The following NAV2 variants were observed in gnomAD, a reference collection of about 807,000 sequenced individuals.
NAV2 encodes neuron navigator 2, also known as helicase, APC down-regulated 1.
A neutral mutation model predicts 223.2 loss-of-function variants in NAV2; 54 were observed. The observed-to-expected ratio is 0.24, with a 90% CI of 0.19 to 0.30. NAV2 has a LOEUF of 0.30. NAV2 is among the 10% of genes least tolerant of loss of function. The pLI is 1.00. For synonymous variants in NAV2, 1,279 were observed against 1,239.3 expected (o/e 1.03, Z -0.67); for missense variants, 2,806 against 3,147.5 (o/e 0.89, Z 2.60).
chr11:19,486,508 TAGTA>T (rs1159170456), intron 1 of NAV2, among the ~76,000 whole-genome samples: 1 of 152,112 alleles, frequency 6.6e-6, no homozygotes, highest in Non-Finnish European at 1.5e-5. Flanking sequence ...GTTCTCGTGA[TAGTA>T]AGTAAGTTCT....
chr11:19,947,144 G>C (rs1591372932), intron 9 of NAV2, among the ~76,000 whole-genome samples: 1 of 152,170 alleles, frequency 6.6e-6, no homozygotes, highest in Non-Finnish European at 1.5e-5. Flanking sequence ...TGAGCTCCCA[G>C]GGAGTCTCCT....
rs561937906 is a variant in NAV2, at chr11:19,636,721, C to T, written c.76-195763C>T. Among the ~76,000 whole-genome samples, 100 of 152,298 alleles carry T rather than the reference C, an allele frequency of 6.6e-4. 1 individual carries two copies. Among genetic ancestry groups the T allele is most frequent in the African/African-American group, 2.3e-3 (96 of 41,562 alleles). The stretch of plus-strand genomic sequence containing the variant: ...TCCTGACCTTGTGATCCACCCGCCT[C>T]GGCCTCCCACAGTGCTGGGATTATA... On this transcript the variant is annotated intron_variant, in intron 1 of 37. Transcript: ENST00000360655.
At chr11:19,867,799 G>A (rs374614240) in intron 3 of NAV2, among the ~76,000 whole-genome samples, 1 of 152,208 alleles carries the variant, frequency 6.6e-6, no homozygotes, top group East Asian at 1.9e-4. Context: ...TGTGAAGACT[G>A]GGAGTAGATA....
At chr11:19,962,065 A>G (rs745529758) in intron 10 of NAV2, among the ~76,000 whole-genome samples, 3 of 151,564 alleles carry the variant, frequency 2.0e-5, no homozygotes, top group Non-Finnish European at 4.4e-5. Context: ...AGGGGATTCT[A>G]CCTTTAGACT....
chr11:19,655,335 G>T (rs547348531), intron 1 of NAV2, among the ~76,000 whole-genome samples: 1 of 152,166 alleles, frequency 6.6e-6, no homozygotes, highest in Non-Finnish European at 1.5e-5. Context: ...TCAGTGTGGC[G>T]ATTCCTCAAG....
At chr11:19,545,184 G>A (rs529265252) in intron 1 of NAV2, among the ~76,000 whole-genome samples, 10 of 152,310 alleles carry the variant, frequency 6.6e-5, no homozygotes, top group Middle Eastern at 3.4e-3. Flanking sequence ...ATTATTGGGC[G>A]CTCACAGGAG....
intron 1 of NAV2, among the ~76,000 whole-genome samples, chr11:19,632,273 A>G (rs535064716): frequency 1.7e-4 from 26 of 152,308 alleles, no homozygotes; most frequent in Admixed American, 2.6e-4. Context: ...TTTTCTAGCA[A>G]TTTAATTTAC....
chr11:19,538,442 G>A (rs2044248167), intron 1 of NAV2, among the ~76,000 whole-genome samples: 2 of 152,128 alleles, frequency 1.3e-5, no homozygotes, highest in Admixed American at 6.5e-5. Context: ...GTAGGTTCAC[G>A]CAATCCTTCT....
chr11:19,577,208 G>A lies in NAV2; in HGVS notation c.75+226181G>A, dbSNP rs377343007. Among the ~76,000 whole-genome samples, 3 of 152,366 alleles carry A rather than the reference G, an allele frequency of 2.0e-5. 1 individual carries two copies. The South Asian group carries it at 6.2e-4, about 32-fold the overall frequency. ...CATGAGGAAACTGAGGCTCAGAGAA[G>A]TTAAGCAGCTTGTCCAACGTCCGTG... On this transcript the variant is annotated intron_variant, in intron 1 of 37. Transcript: ENST00000360655.
chr11:19,473,654 T>C (rs1590276422), intron 1 of NAV2, among the ~76,000 whole-genome samples: 1 of 151,846 alleles, frequency 6.6e-6, no homozygotes, highest in African/African-American at 2.4e-5. Flanking sequence ...GGAAATGGAG[T>C]TGCTCTTCTG....
chr11:19,977,070 G>A (rs1565682210), intron 10 of NAV2, among the ~76,000 whole-genome samples: 1 of 152,264 alleles, frequency 6.6e-6, no homozygotes, highest in East Asian at 1.9e-4. Context: ...TTTGCATCAA[G>A]CAGAAAGGTA....
intron 11 of NAV2, among the ~76,000 whole-genome samples, chr11:20,023,699 G>GGTGGGTGGGTGTGTGTGTGTGTGTGT (rs1554902315): frequency 6.9e-6 from 1 of 144,572 alleles, no homozygotes; most frequent in Non-Finnish European, 1.5e-5. Flanking sequence ...CAAATTGCTG[G>GGTGGGTGGGTGTGTGTGTGTGTGTGT]GTGTGTGTGT....
chr11:19,844,250 G>T (rs1051668401), intron 3 of NAV2, among the ~76,000 whole-genome samples: 4 of 152,238 alleles, frequency 2.6e-5, no homozygotes, highest in Non-Finnish European at 2.9e-5. Context: ...TGCTGCACAT[G>T]TAGTCCTATC....
At chr11:19,932,257 A>AAAAAAAAG (rs1555153008) in intron 6 of NAV2, among the ~76,000 whole-genome samples, 1,171 of 99,480 alleles carry the variant, frequency 0.012, 1 homozygote, top group East Asian at 0.03. Context: ...AAAAAAAAAA[A>AAAAAAAAG]AAAGAAAGAA....
chr11:19,997,207 T>C (rs917712925), intron 11 of NAV2, among the ~76,000 whole-genome samples: 3 of 152,128 alleles, frequency 2.0e-5, no homozygotes, highest in African/African-American at 7.2e-5. Context: ...GGTGCAAAGT[T>C]TGACACTAGA....
intron 1 of NAV2, among the ~76,000 whole-genome samples, chr11:19,602,068 T>A (rs1318539054): frequency 2.6e-5 from 4 of 151,656 alleles, no homozygotes; most frequent in African/African-American, 9.7e-5. Context: ...TAAGTGTTCA[T>A]CCCCAGTCCA....
At chr11:19,882,026 C>T (rs1241108804) in intron 5 of NAV2, among the ~76,000 whole-genome samples, 1 of 152,176 alleles carries the variant, frequency 6.6e-6, no homozygotes, top group Non-Finnish European at 1.5e-5. Flanking sequence ...CAGGCCCCGT[C>T]ATAGAGTACC....
At chr11:20,060,524 G>T (rs181867950) in intron 19 of NAV2, among the ~76,000 whole-genome samples, 1 of 152,334 alleles carries the variant, frequency 6.6e-6, no homozygotes, top group East Asian at 1.9e-4. Flanking sequence ...GATCTAGAAC[G>T]CAGGGCATTG....
Position 19,868,869 on chromosome 11 carries a change from T to C in NAV2, c.439-56T>C. 2.6e-6 allele frequency: 4 copies of C among 1,553,724 alleles called. No individual in the cohort carries two copies. In the South Asian group the frequency reaches 4.5e-5, roughly 18 times the overall value. ...TTTTCCCATTGTTCCTCATAAGAGA[T>C]GGCTCTGGAGAGGCTGAACATTTAT... is the stretch of plus-strand genomic sequence containing the variant. On this transcript the variant is annotated intron_variant, in intron 3 of 37. Coordinates refer to ENST00000349880, the MANE Select transcript of NAV2 (RefSeq NM_145117.5).
Sources: allele counts gnomAD v4.1 joint callset (sites outside exome capture counted in the v4.1 genomes callset), GRCh38; gene constraint gnomAD v4.1.1; transcripts MANE v1.5; gene names NCBI Gene and HGNC (gene_info 2026-07-23, HGNC 2026-07-21).